PTPRM: variants seen among roughly 807,000 people sequenced by gnomAD.
PTPRM encodes the protein receptor-type tyrosine-protein phosphatase mu.
PTPRM carries 47 observed loss-of-function variants against 186.7 expected under a neutral mutation model. That is an observed-to-expected ratio of 0.25 (90% CI 0.20 to 0.32). The LOEUF (loss-of-function observed/expected upper bound fraction) is 0.32. Among genes scored for constraint, PTPRM ranks in the 10% least tolerant of loss-of-function variants. PTPRM has a pLI of 1.00. For missense variants in PTPRM, 1,494 were observed against 1,865.0 expected (o/e 0.80, Z 3.66); for synonymous variants, 668 against 674.9 (o/e 0.99, Z 0.16).
At position 8,251,881 on chromosome 18, in the gene PTPRM, A is replaced by G. The variant is rs371017056; in HGVS notation, c.2555-607A>G. The G allele has an allele frequency of 3.3e-5, 5 of 152,268 alleles. No homozygotes were observed. The East Asian group carries it at 5.8e-4, about 18-fold the overall frequency. 9.4% of individuals were successfully genotyped at this position (152,268 alleles called of 1,614,324 possible). A position where few individuals can be genotyped will look rare whatever the true frequency, so the allele number is the denominator to read the frequency against. ...TTTTTAAAACTTGAATATATCTTTT[A>G]TATGTTTTATATAACATTCTCATTT... is the stretch of plus-strand genomic sequence containing the variant. On this transcript the variant is annotated intron_variant, in intron 17 of 32. Transcript: ENST00000580170.
chr18:8,076,493 A>G lies in PTPRM; in HGVS notation c.1480A>G (p.Thr494Ala). Residue 494 changes from threonine to alanine, a missense_variant, in exon 9 of 33, where the codon ACC (threonine) becomes GCC (alanine). Thr to Ala is a moderately conservative substitution (Grantham distance 58, BLOSUM62 0). Transcript: ENST00000580170. ...TCCCACTGAATCCATACAAGGAAGT[A>G]CCTTTGAAGAGAAGATATTTCTTCA... ...AVPTESIQGS[T>A]FEEKIFLQWR... The G allele has an allele frequency of 6.2e-7, 1 of 1,610,336 alleles. No individual in the cohort carries two copies. Among genetic ancestry groups the G allele is most frequent in the Non-Finnish European group, 8.5e-7 (1 of 1,177,318 alleles).
At chr18:7,996,183 TA>T (rs33950984) in intron 7 of PTPRM, among the ~76,000 whole-genome samples, 6,537 of 147,912 alleles carry the variant, frequency 0.044, 457 homozygotes, top group African/African-American at 0.15. Flanking sequence ...CTTTCTTTCT[TA>T]AAAAAAAAAA....
chr18:8,227,222 G>A (rs2094224633), intron 14 of PTPRM, among the ~76,000 whole-genome samples: 2 of 152,136 alleles, frequency 1.3e-5, no homozygotes, highest in Admixed American at 6.5e-5. Context: ...GTAGGTGGAT[G>A]CCTTCAGGAG....
chr18:8,090,568 G>A (rs1600505596), intron 11 of PTPRM, among the ~76,000 whole-genome samples: 1 of 152,178 alleles, frequency 6.6e-6, no homozygotes, highest in East Asian at 1.9e-4. Context: ...TCGCATCTTT[G>A]TATAGATCTT....
At chr18:7,601,060 G>A (rs1239571803) in intron 1 of PTPRM, among the ~76,000 whole-genome samples, 5 of 152,208 alleles carry the variant, frequency 3.3e-5, no homozygotes, top group African/African-American at 1.2e-4. Context: ...TCCTGCATTG[G>A]GGCTGCAGAA....
chr18:8,370,862 C>G (rs757682939), intron 23 of PTPRM, 28 bp from the exon 24 acceptor site: 1 of 1,446,228 alleles, frequency 6.9e-7, no homozygotes, highest in African/African-American at 1.4e-5. Flanking sequence ...AAACTGTAAA[C>G]CCATAATTTC....
intron 19 of PTPRM, among the ~76,000 whole-genome samples, chr18:8,268,585 C>T (rs1475186225): frequency 2.0e-5 from 3 of 151,820 alleles, no homozygotes; most frequent in Non-Finnish European, 2.9e-5. Context: ...TTTACAAGGC[C>T]GATATTACCC....
intron 2 of PTPRM, among the ~76,000 whole-genome samples, chr18:7,783,748 TTGTGTGTG>T (rs60314284): frequency 0.034 from 5,025 of 146,704 alleles, 66 homozygotes; most frequent in African/African-American, 0.055. Context: ...ATTTTTAATT[TTGTGTGTG>T]TGTGTGTGTG....
chr18:8,059,212 A>C (rs1417247226), intron 7 of PTPRM, among the ~76,000 whole-genome samples: 1 of 143,708 alleles, frequency 7.0e-6, no homozygotes, highest in Non-Finnish European at 1.5e-5. Flanking sequence ...TTCTCTTTGA[A>C]GCAATTGTGA....
intron 1 of PTPRM, among the ~76,000 whole-genome samples, chr18:7,652,144 A>T (rs80355463): frequency 1.3e-5 from 2 of 152,252 alleles, no homozygotes; most frequent in African/African-American, 4.8e-5. Flanking sequence ...TAAAAAACAC[A>T]TGAAAAAATG....
intron 1 of PTPRM, chr18:7,747,769 C>T (rs2144569437): frequency 6.6e-6 from 1 of 152,274 alleles, no homozygotes; most frequent in Middle Eastern, 3.4e-3. Flanking sequence ...ATTATGTCTG[C>T]AATGACCCTA....
chr18:8,081,448 A>C (rs1469698595), intron 9 of PTPRM, among the ~76,000 whole-genome samples: 1 of 152,242 alleles, frequency 6.6e-6, no homozygotes, highest in Non-Finnish European at 1.5e-5. Context: ...GACAGAGTAC[A>C]AGTACAGAAG....
At chr18:7,680,662 G>A (rs1168195164) in intron 1 of PTPRM, among the ~76,000 whole-genome samples, 1 of 152,158 alleles carries the variant, frequency 6.6e-6, no homozygotes, top group African/African-American at 2.4e-5. Context: ...TTACCAGGAT[G>A]TCGGTCATTT....
At chr18:8,030,700 G>A (rs1196260482) in intron 7 of PTPRM, among the ~76,000 whole-genome samples, 1 of 152,188 alleles carries the variant, frequency 6.6e-6, no homozygotes, top group African/African-American at 2.4e-5. Context: ...ATGTGAAGTA[G>A]CATCAACTTT....
chr18:7,903,802 C>G (rs561735939), intron 3 of PTPRM, among the ~76,000 whole-genome samples: 1 of 152,286 alleles, frequency 6.6e-6, no homozygotes, highest in South Asian at 2.1e-4. Context: ...TCCCTGTACT[C>G]TTGAGCTTTT....
At chr18:7,954,353 T>C (rs1350178700) in intron 6 of PTPRM, among the ~76,000 whole-genome samples, 1 of 152,204 alleles carries the variant, frequency 6.6e-6, no homozygotes, top group Non-Finnish European at 1.5e-5. Context: ...GACTTACTAC[T>C]GGAAGTTCCC....
chr18:8,106,919 A>G (rs981215568), intron 11 of PTPRM, among the ~76,000 whole-genome samples: 4 of 152,166 alleles, frequency 2.6e-5, no homozygotes, highest in Admixed American at 2.6e-4. Context: ...TTGCATTTGT[A>G]TTCCAGCCCA....
chr18:8,153,443 A>G (rs1293905536), intron 14 of PTPRM, among the ~76,000 whole-genome samples: 1 of 152,218 alleles, frequency 6.6e-6, no homozygotes, highest in African/African-American at 2.4e-5. Context: ...CTAAATGCCA[A>G]CAAGTCATGT....
At chr18:8,020,396 T>TA (rs1300357319) in intron 7 of PTPRM, among the ~76,000 whole-genome samples, 1 of 152,184 alleles carries the variant, frequency 6.6e-6, no homozygotes, top group Non-Finnish European at 1.5e-5. Context: ...TGAAGGATAA[T>TA]GCATGTGGTC....
Sources: gnomAD v4.1 joint callset for allele counts (sites outside exome capture counted in the v4.1 genomes callset) on GRCh38, gnomAD v4.1.1 for gene constraint, MANE v1.5 for transcripts, NCBI Gene and HGNC (gene_info 2026-07-23, HGNC 2026-07-21) for gene names.